The following MYO3A variants were observed in gnomAD, a reference collection of about 807,000 sequenced individuals.
MYO3A encodes myosin IIIA.
A neutral mutation model predicts 192.7 loss-of-function variants in MYO3A; 180 were observed. The observed-to-expected ratio is 0.93, with a 90% CI of 0.83 to 1.06. The LOEUF is 1.06. Ranked by LOEUF, MYO3A falls within the 50% of genes least tolerant of loss-of-function variation. The pLI is 0.00. For synonymous variants in MYO3A, 628 were observed against 645.3 expected (o/e 0.97, Z 0.41); for missense variants, 1,896 against 1,905.0 (o/e 1.00, Z 0.09).
intron 8 of MYO3A, 180 bp downstream of exon 8, chr10:26,021,828 C>T: frequency 3.8e-6 from 3 of 786,394 alleles, no homozygotes; most frequent in South Asian, 3.3e-5. Flanking sequence ...GTTGCATTTC[C>T]CTGGTCTAAG....
intron 2 of MYO3A, among the ~76,000 whole-genome samples, chr10:25,937,286 A>G (rs954854953): frequency 6.6e-6 from 1 of 152,140 alleles, no homozygotes; most frequent in Non-Finnish European, 1.5e-5. Context: ...CCTTTATTTC[A>G]TCAAGTCCTG....
chr10:25,939,917 G>A (rs760553318), intron 2 of MYO3A, among the ~76,000 whole-genome samples: 2 of 151,904 alleles, frequency 1.3e-5, no homozygotes, highest in African/African-American at 4.8e-5. Flanking sequence ...TTGAGTTTTT[G>A]TATTTTCTTG....
chr10:26,082,283 A>G (rs1836006747), intron 14 of MYO3A, among the ~76,000 whole-genome samples: 1 of 152,092 alleles, frequency 6.6e-6, no homozygotes, highest in African/African-American at 2.4e-5. Context: ...TATAGTTTTC[A>G]GTGTACAGAT....
intron 4 of MYO3A, among the ~76,000 whole-genome samples, chr10:25,972,273 CT>C (rs532286038): frequency 7.6e-4 from 116 of 151,700 alleles, no homozygotes; most frequent in African/African-American, 2.8e-3. Context: ...TCACTTTGTT[CT>C]TTTTTTATGA....
At chr10:25,942,448 G>A (rs989146715) in intron 2 of MYO3A, among the ~76,000 whole-genome samples, 5 of 152,050 alleles carry the variant, frequency 3.3e-5, no homozygotes, top group Non-Finnish European at 7.4e-5. Context: ...GAATTCTTTG[G>A]CTTATATTCA....
rs778681216 is a variant in MYO3A at position 26,201,303 on chromosome 10, C to T, written c.4584C>T (p.Asp1528=). 1 of 1,577,442 alleles carries T rather than the reference C, an allele frequency of 6.3e-7. No homozygotes were observed. Among genetic ancestry groups the T allele is most frequent in the South Asian group, 1.1e-5 (1 of 88,056 alleles). ...AAGAAAAACGAAGACCAAGGAAAGA[C>T]AGGTAATTATTACTTCTGGATTTCA... ...IQEEKRRPRK[D]SQGKLLDLED... The change falls in exon 33 of 35, where the codon GAC becomes GAT. Residue 1528 remains aspartate, a splice_region_variant and synonymous_variant. Coordinates refer to ENST00000642920, the MANE Select transcript of MYO3A (RefSeq NM_017433.5).
At chr10:26,057,386 A>C (rs12784877) in intron 10 of MYO3A, among the ~76,000 whole-genome samples, 1 of 151,896 alleles carries the variant, frequency 6.6e-6, no homozygotes, top group Non-Finnish European at 1.5e-5. Context: ...CCCTGGAAAA[A>C]AAAGGCGATG....
Position 26,143,525 on chromosome 10 carries a change from G to A in MYO3A, c.2340G>A (p.Leu780=). The A allele has an allele frequency of 6.2e-7, 1 of 1,613,884 alleles. No homozygotes were observed. Among genetic ancestry groups the A allele is most frequent in the Non-Finnish European group, 8.5e-7 (1 of 1,179,854 alleles). Residue 780 remains leucine, a synonymous_variant, in exon 21 of 35, where the codon CTG becomes CTA. Transcript: ENST00000642920. ...EDNWPLLDMF[L]QKPMGLLSLL... The stretch of plus-strand genomic sequence containing the variant: ...ACTGGCCCCTCTTAGATATGTTTCT[G>A]CAAAAGCCAATGGGTTTACTTTCCC...
chr10:26,117,228 G>A (rs1370669425), intron 17 of MYO3A, among the ~76,000 whole-genome samples: 2 of 151,980 alleles, frequency 1.3e-5, no homozygotes, highest in Non-Finnish European at 2.9e-5. Flanking sequence ...CTTTATGATG[G>A]AATTCTGCAT....
At chr10:26,114,998 G>A (rs1412067448) in intron 17 of MYO3A, among the ~76,000 whole-genome samples, 2 of 152,168 alleles carry the variant, frequency 1.3e-5, no homozygotes, top group Non-Finnish European at 2.9e-5. Context: ...GAATGCTTGG[G>A]AACCTACGAG....
intron 6 of MYO3A, among the ~76,000 whole-genome samples, chr10:26,004,535 G>A (rs1841059344): frequency 6.6e-6 from 1 of 152,040 alleles, no homozygotes; most frequent in South Asian, 2.1e-4. Flanking sequence ...AGGGTATTAA[G>A]AGAGCACATC....
chr10:26,189,294 T>C (rs1843011961), intron 31 of MYO3A, among the ~76,000 whole-genome samples: 1 of 152,216 alleles, frequency 6.6e-6, no homozygotes, highest in Admixed American at 6.5e-5. Context: ...CTAAAGACCC[T>C]ATCTCCAAAT....
chr10:25,955,076 T>A, intron 4 of MYO3A, 68 bp downstream of exon 4: 2 of 1,555,814 alleles, frequency 1.3e-6, no homozygotes, highest in South Asian at 2.2e-5. Context: ...CTTGTTATAC[T>A]ATTTATGTAA....
chr10:25,945,743 T>C (rs925418187), intron 2 of MYO3A, among the ~76,000 whole-genome samples: 4 of 152,156 alleles, frequency 2.6e-5, no homozygotes, highest in African/African-American at 4.8e-5. Flanking sequence ...CATTTACATT[T>C]AAAAGACCAA....
chr10:25,943,091 G>T (rs1205754371), intron 2 of MYO3A, among the ~76,000 whole-genome samples: 1 of 151,842 alleles, frequency 6.6e-6, no homozygotes, highest in Non-Finnish European at 1.5e-5. Context: ...ATATGTTTAA[G>T]TCTTTGATCT....
rs200394478 is a variant in MYO3A at position 26,181,539 on chromosome 10, C to T, written c.4438+4694C>T. Among the ~76,000 whole-genome samples the T allele has an allele frequency of 2.6e-5, 4 of 151,538 alleles. No individual in the cohort carries two copies. In the East Asian group the frequency reaches 7.7e-4, roughly 29 times the overall value. On this transcript the variant is annotated intron_variant, in intron 31 of 34. Transcript: ENST00000642920. ...TAGCACTCTCAATGGAAAAATGGCACAAGCCATTAATTTATTTACAAAAGA... is the reference window on the plus strand; with the variant it reads ...TAGCACTCTCAATGGAAAAATGGCATAAGCCATTAATTTATTTACAAAAGA...
intron 31 of MYO3A, among the ~76,000 whole-genome samples, chr10:26,178,148 A>C (rs1489396473): frequency 6.6e-6 from 1 of 152,218 alleles, no homozygotes; most frequent in African/African-American, 2.4e-5. Context: ...CCAGGGCTTC[A>C]GGTTCCCTCA....
intron 4 of MYO3A, among the ~76,000 whole-genome samples, chr10:25,959,578 C>T (rs532399421): frequency 6.6e-6 from 1 of 152,204 alleles, no homozygotes; most frequent in South Asian, 2.1e-4. Context: ...TGTTTGGAGA[C>T]CTACCATGTG....
chr10:26,125,032 A>G (rs1839131061), intron 18 of MYO3A, among the ~76,000 whole-genome samples: 1 of 152,200 alleles, frequency 6.6e-6, no homozygotes, highest in Non-Finnish European at 1.5e-5. Flanking sequence ...GTATATAATA[A>G]TGGTATCCAA....
Sources: gnomAD v4.1 joint callset for allele counts (sites outside exome capture counted in the v4.1 genomes callset) on GRCh38, gnomAD v4.1.1 for gene constraint, MANE v1.5 for transcripts, NCBI Gene and HGNC (gene_info 2026-07-23, HGNC 2026-07-21) for gene names.